Variants in CAMSAP1 observed in about 807,000 individuals in gnomAD.
CAMSAP1 encodes the protein calmodulin regulated spectrin associated protein 1, also known as calmodulin-regulated spectrin-associated protein 1.
CAMSAP1 carries 58 observed loss-of-function variants against 143.5 expected under a neutral mutation model. The observed-to-expected ratio is 0.40, with a 90% confidence interval of 0.33 to 0.50. The LOEUF (loss-of-function observed/expected upper bound fraction) is 0.50, where lower values mean the gene tolerates loss of function less well. Among genes scored for constraint, CAMSAP1 ranks in the 20% least tolerant of loss-of-function variants. CAMSAP1 has a pLI of 0.45. For missense variants in CAMSAP1, 1,969 were observed against 2,115.7 expected, an observed-to-expected ratio of 0.93 and a Z score of 1.36; for synonymous variants, 945 against 859.3, an observed-to-expected ratio of 1.10 and a Z score of -1.74.
Position 135,819,192 on chromosome 9 carries a change from C to T in CAMSAP1, c.3823-46G>A, listed in dbSNP as rs73557288. The stretch of plus-strand genomic sequence containing the variant: ...AGAGCATGACAGGAACCCCCTCAGA[C>T]GCCGGACACGGCCGCACTCGACCCA... On this transcript the variant is annotated intron_variant, in intron 11 of 16. Coordinates refer to ENST00000389532, the MANE Select transcript of CAMSAP1 (RefSeq NM_015447.4). 5,174 of 1,564,634 alleles carry T rather than the reference C, an allele frequency of 3.3e-3. 176 individuals carry two copies. The African/African-American group carries it at 0.063, about 19-fold the overall frequency.
intron 7 of CAMSAP1, among the ~76,000 whole-genome samples, chr9:135,831,007 C>T (rs922191629): frequency 3.7e-4 from 56 of 152,002 alleles, no homozygotes; most frequent in African/African-American, 1.3e-3. Flanking sequence ...ACCGTCTCTA[C>T]TAAAAATACG....
intron 4 of CAMSAP1, chr9:135,865,455 G>A (rs1837342017): frequency 5.3e-6 from 7 of 1,319,408 alleles, no homozygotes; most frequent in South Asian, 1.3e-5. Flanking sequence ...TCCCCACGGC[G>A]TTTACACGGC....
chr9:135,897,359 G>A (rs1047808500), intron 1 of CAMSAP1, among the ~76,000 whole-genome samples: 3 of 151,856 alleles, frequency 2.0e-5, no homozygotes, highest in Non-Finnish European at 4.4e-5. Context: ...TTGCTATGTT[G>A]CCCAGGCTGG....
intron 11 of CAMSAP1, among the ~76,000 whole-genome samples, 187 bp from the exon 12 acceptor site, chr9:135,819,333 G>T (rs1383291526): frequency 6.6e-6 from 1 of 152,150 alleles, no homozygotes; most frequent in African/African-American, 2.4e-5. Flanking sequence ...TTTCAAAGGC[G>T]CTCGGCATCA....
Position 135,823,274 on chromosome 9 carries a change from A to G in CAMSAP1, c.1401-14T>C. The stretch of plus-strand genomic sequence containing the variant: ...TGGGACGCAGGCCTGAAACACAGGG[A>G]AGGCCCACTGGGTGCGCTGCGGTAT... On this transcript the variant is annotated splice_polypyrimidine_tract_variant and intron_variant, in intron 10 of 16. Coordinates refer to ENST00000389532, the MANE Select transcript of CAMSAP1 (RefSeq NM_015447.4). 6.5e-7 allele frequency: 1 copy of G among 1,536,990 alleles called. No homozygotes were observed. The highest frequency in any genetic ancestry group is 8.8e-7 in the Non-Finnish European group (1 of 1,142,736).
rs903370476 is a variant in CAMSAP1 at position 135,871,780 on chromosome 9, G to T, written c.586-5244C>A. On this transcript the variant is annotated intron_variant, in intron 3 of 16. Coordinates refer to ENST00000389532, the MANE Select transcript of CAMSAP1 (RefSeq NM_015447.4). ...CCCAGCTCTATCAAAAAAAAAAAAG[G>T]TAAGTTATCTGAGGTCCACAGCAAT... Among the ~76,000 whole-genome samples, 3 of 151,914 alleles carry T rather than the reference G, an allele frequency of 2.0e-5. No homozygotes were observed. In the South Asian group the frequency reaches 6.2e-4, roughly 32 times the overall value.
At chr9:135,840,678 T>C (rs1266015594) in intron 7 of CAMSAP1, among the ~76,000 whole-genome samples, 3 of 152,310 alleles carry the variant, frequency 2.0e-5, no homozygotes, top group Middle Eastern at 3.4e-3. Flanking sequence ...CCAGCTCATT[T>C]CATTGGGGCT....
intron 1 of CAMSAP1, among the ~76,000 whole-genome samples, chr9:135,899,734 TC>T (rs1293911741): frequency 6.6e-6 from 1 of 151,860 alleles, no homozygotes; most frequent in Non-Finnish European, 1.5e-5. Context: ...CCCCTCCACT[TC>T]CCCCTATTGT....
At chr9:135,813,374 G>C (rs926496088) in intron 16 of CAMSAP1, among the ~76,000 whole-genome samples, 2 of 152,156 alleles carry the variant, frequency 1.3e-5, no homozygotes, top group African/African-American at 2.4e-5. Flanking sequence ...CAATGTATCA[G>C]CATATAATGG....
At chr9:135,885,924 T>A (rs1358587329) in intron 1 of CAMSAP1, among the ~76,000 whole-genome samples, 1 of 152,222 alleles carries the variant, frequency 6.6e-6, no homozygotes, top group Non-Finnish European at 1.5e-5. Context: ...CACTCCTCCA[T>A]GGCCCTGCTG....
intron 4 of CAMSAP1, among the ~76,000 whole-genome samples, chr9:135,863,834 T>C (rs930965993): frequency 6.6e-6 from 1 of 152,152 alleles, no homozygotes; most frequent in Non-Finnish European, 1.5e-5. Flanking sequence ...CACCACAGCA[T>C]GCGCCAGGCC....
At chr9:135,881,604 C>G in intron 3 of CAMSAP1, 29 bp downstream of exon 3, 1 of 1,550,792 alleles carries the variant, frequency 6.4e-7, no homozygotes, top group Non-Finnish European at 8.7e-7. Context: ...GAAGCAGAGT[C>G]ACACACCACA....
chr9:135,904,954 G>A (rs1232591504), intron 1 of CAMSAP1, among the ~76,000 whole-genome samples: 1 of 149,256 alleles, frequency 6.7e-6, no homozygotes, highest in African/African-American at 2.5e-5. Context: ...GATAGAGCGA[G>A]ACTCCGTCTC....
chr9:135,891,183 G>A (rs990934658), intron 1 of CAMSAP1, among the ~76,000 whole-genome samples: 1 of 152,196 alleles, frequency 6.6e-6, no homozygotes, highest in Non-Finnish European at 1.5e-5. Context: ...GAATCCTGAG[G>A]GCTCCCACTT....
In CAMSAP1 at chr9:135,880,616, G is replaced by A. The variant is rs144380329; in HGVS notation, c.585+1017C>T. Among the ~76,000 whole-genome samples the A allele has an allele frequency of 1.8e-4, 28 of 152,296 alleles. No individual in the cohort carries two copies. In the East Asian group the frequency reaches 3.9e-3, roughly 21 times the overall value. On this transcript the variant is annotated intron_variant, in intron 3 of 16. Coordinates refer to ENST00000389532, the MANE Select transcript of CAMSAP1 (RefSeq NM_015447.4). ...ACAAAGACCCGCCTTTCACAGCGAC[G>A]GAGGGGTCTTCCAGGGAGCCAGCAG... is the stretch of plus-strand genomic sequence containing the variant.
chr9:135,877,042 A>G (rs1837774354), intron 3 of CAMSAP1, among the ~76,000 whole-genome samples: 2 of 152,236 alleles, frequency 1.3e-5, no homozygotes, highest in Admixed American at 6.5e-5. Flanking sequence ...ATCTGCACAC[A>G]AATGTCCCTA....
At chr9:135,883,174 C>G in intron 1 of CAMSAP1, 96 bp from the exon 2 acceptor site, 2 of 1,351,218 alleles carry the variant, frequency 1.5e-6, no homozygotes, top group Non-Finnish European at 2.0e-6. Context: ...CCACTGTACT[C>G]CAGCCTGGGC....
At chr9:135,900,339 A>G (rs1838577960) in intron 1 of CAMSAP1, among the ~76,000 whole-genome samples, 1 of 151,758 alleles carries the variant, frequency 6.6e-6, no homozygotes, top group Non-Finnish European at 1.5e-5. Flanking sequence ...TATAAGTTTA[A>G]TTTTGACTAG....
intron 3 of CAMSAP1, among the ~76,000 whole-genome samples, chr9:135,869,171 T>G (rs1483215995): frequency 6.6e-6 from 1 of 151,506 alleles, no homozygotes; most frequent in Non-Finnish European, 1.5e-5. Context: ...AAAAAGACAA[T>G]CCAATTTTTA....
Sources: allele counts gnomAD v4.1 joint callset (sites outside exome capture counted in the v4.1 genomes callset), GRCh38; gene constraint gnomAD v4.1.1; transcripts MANE v1.5; gene names NCBI Gene and HGNC (gene_info 2026-07-23, HGNC 2026-07-21).